The following SPTAN1 variants were observed in gnomAD, a reference collection of about 807,000 sequenced individuals.
The protein encoded by SPTAN1 is spectrin alpha, non-erythrocytic 1, also known as spectrin alpha chain, non-erythrocytic 1.
A neutral mutation model predicts 331.3 loss-of-function variants in SPTAN1; 61 were observed. That is an observed-to-expected ratio of 0.18 (90% CI 0.15 to 0.23). The LOEUF (loss-of-function observed/expected upper bound fraction) is 0.23. Ranked by LOEUF, SPTAN1 falls within the 10% of genes least tolerant of loss-of-function variation. The pLI is 1.00. For missense variants in SPTAN1, 2,043 were observed against 3,147.9 expected (o/e 0.65, Z 8.40); for synonymous variants, 1,153 against 1,173.9 (o/e 0.98, Z 0.36).
chr9:128,584,666 A>C (rs1743763548), intron 17 of SPTAN1, 55 bp from the exon 18 acceptor site: 1 of 1,614,226 alleles, frequency 6.2e-7, no homozygotes, highest in Non-Finnish European at 8.5e-7. Context: ...ATGACAAATC[A>C]GTGCTGACTT....
intron 10 of SPTAN1, 96 bp from the exon 11 acceptor site, chr9:128,580,826 G>A (rs1280758912): frequency 1.3e-6 from 2 of 1,566,956 alleles, no homozygotes; most frequent in African/African-American, 2.7e-5. Flanking sequence ...CTGAAGATTA[G>A]CACTAGGATT....
chr9:128,576,452 C>T (rs1851314324), intron 5 of SPTAN1, among the ~76,000 whole-genome samples: 1 of 152,148 alleles, frequency 6.6e-6, no homozygotes, highest in South Asian at 2.1e-4. Context: ...TGCAAGAATG[C>T]TTAACAGCCT....
At chr9:128,580,694 C>A (rs1041755450) in intron 10 of SPTAN1, among the ~76,000 whole-genome samples, 9 of 152,122 alleles carry the variant, frequency 5.9e-5, no homozygotes, top group Non-Finnish European at 4.4e-5. Context: ...TACCTAAAGT[C>A]ATTTGTGATC....
intron 52 of SPTAN1, chr9:128,631,617 G>C (rs72758828): frequency 5.4e-4 from 90 of 167,912 alleles, no homozygotes; most frequent in Non-Finnish European, 8.7e-4. Context: ...CTTGAGCCTA[G>C]GAATTCAAGA....
At chr9:128,587,164 C>T (rs900946859) in intron 19 of SPTAN1, among the ~76,000 whole-genome samples, 16 of 152,100 alleles carry the variant, frequency 1.1e-4, no homozygotes, top group African/African-American at 3.9e-4. Context: ...CGACTCCCTA[C>T]AGCTTTGACC....
At chr9:128,628,456 G>T (rs1859135403) in intron 51 of SPTAN1, 11 of 341,990 alleles carry the variant, frequency 3.2e-5, no homozygotes, top group South Asian at 2.3e-4. Context: ...TGGGGTCAGG[G>T]AGGGTAACAA....
intron 5 of SPTAN1, 146 bp from the exon 6 acceptor site, chr9:128,576,677 C>T (rs545640892): frequency 4.6e-6 from 5 of 1,085,938 alleles, no homozygotes; most frequent in South Asian, 4.1e-5. Flanking sequence ...AGTTGTAGTT[C>T]ACTTTGTATC....
intron 23 of SPTAN1, 25 bp downstream of exon 23, chr9:128,593,067 A>G (rs1209553901): frequency 1.9e-6 from 3 of 1,601,208 alleles, no homozygotes; most frequent in Non-Finnish European, 2.6e-6. Flanking sequence ...AGTCTTGCAG[A>G]GCACCAATGT....
chr9:128,628,036 G>GCAGGAAGGC, intron 51 of SPTAN1, 94 bp downstream of exon 51: 1 of 1,501,482 alleles, frequency 6.7e-7, no homozygotes, highest in Non-Finnish European at 9.3e-7. Flanking sequence ...CCCGGGATGG[G>GCAGGAAGGC]CCTTCCTGCC....
intron 1 of SPTAN1, among the ~76,000 whole-genome samples, chr9:128,562,206 G>C (rs1157921488): frequency 6.6e-6 from 1 of 152,184 alleles, no homozygotes; most frequent in East Asian, 1.9e-4. Context: ...AGGTTCAAGC[G>C]ATTCTTCTGC....
chr9:128,621,077 T>G, intron 44 of SPTAN1, 81 bp from the exon 45 acceptor site: 2 of 1,202,236 alleles, frequency 1.7e-6, no homozygotes, highest in Non-Finnish European at 2.5e-6. Flanking sequence ...CCATAGCAGT[T>G]TTGTCACTCT....
chr9:128,581,813 C>G lies in SPTAN1; in HGVS notation c.1493C>G (p.Ser498Cys), dbSNP rs1851982660. The change falls in exon 12 of 57, where the codon TCC becomes TGC. Residue 498 changes from serine (S) to cysteine (C), a missense_variant. Ser to Cys is a moderately radical substitution (Grantham distance 112). Transcript: ENST00000372739. The part of the protein sequence containing the change: ...AFLLNEDLGD[S>C]LDSVEALLKK... ...CTGTTGAATGAAGACTTGGGAGATT[C>G]CTTGGATAGTGTGGAAGCGCTTCTT... 1 of 1,613,964 alleles carries G rather than the reference C, an allele frequency of 6.2e-7. No individual in the cohort carries two copies. The highest frequency in any genetic ancestry group is 1.3e-5 in the African/African-American group (1 of 74,930).
Position 128,633,323 on chromosome 9 carries a change from T to G in SPTAN1, c.7423T>G (p.Phe2475Val), listed in dbSNP as rs757000395. ...FDYVEFTRSL[F>V]VN is the part of the protein sequence containing the mutation. ...CTACGTGGAGTTCACCCGCTCGCTT[T>G]TCGTGAACTGAGCCACTCCCTGGGT... is the stretch of plus-strand genomic sequence containing the variant. The change falls in exon 57 of 57, where the codon TTC (phenylalanine) becomes GTC (valine). Residue 2475 changes from phenylalanine to valine, a missense_variant. Physicochemically the swap from Phe to Val is conservative, Grantham distance 50. Around this residue, in one of 12 missense-constraint regions of SPTAN1, gnomAD observed 88 missense variants for 96.5 expected, o/e 0.91. Transcript: ENST00000372739. 6.2e-7 allele frequency: 1 copy of G among 1,613,900 alleles called. No homozygotes were observed. The highest frequency in any genetic ancestry group is 8.5e-7 in the Non-Finnish European group (1 of 1,180,024).
Position 128,617,998 on chromosome 9 carries a change from C to A in SPTAN1, c.5490C>A (p.Asp1830Glu), listed in dbSNP as rs1409595213. Residue 1830 changes from aspartate (D) to glutamate (E), a missense_variant, in exon 43 of 57, where the codon GAC (aspartate) becomes GAA (glutamate). Coordinates refer to ENST00000372739, the MANE Select transcript of SPTAN1 (RefSeq NM_001130438.3). ...AHEPAIQGVL[D>E]TGKKLSDDNT... ...TCCTTGCCTGTCAGGGTGTCCTGGA[C>A]ACTGGCAAGAAGCTGTCCGATGACA... The A allele has an allele frequency of 3.1e-6, 5 of 1,614,178 alleles. No homozygotes were observed. Among genetic ancestry groups the A allele is most frequent in the Non-Finnish European group, 4.2e-6 (5 of 1,180,028 alleles).
chr9:128,571,291 GAAA>G (rs57643375), intron 3 of SPTAN1, among the ~76,000 whole-genome samples: 30 of 145,822 alleles, frequency 2.1e-4, no homozygotes, highest in African/African-American at 7.2e-4. Flanking sequence ...CTGGGAAAAA[GAAA>G]AAAAAAAAGG....
rs1857511665 is a variant in SPTAN1, at chr9:128,618,886, A to G, written c.5616A>G (p.Glu1872=). The G allele has an allele frequency of 1.2e-6, 2 of 1,614,194 alleles. No individual in the cohort carries two copies. Among genetic ancestry groups the G allele is most frequent in the Non-Finnish European group, 1.7e-6 (2 of 1,180,038 alleles). Residue 1872 remains glutamate, a synonymous_variant, in exon 44 of 57, where the codon GAA becomes GAG. Coordinates refer to ENST00000372739, the MANE Select transcript of SPTAN1 (RefSeq NM_001130438.3). Reference sequence around the variant, plus strand: ...CTGTAATTAGGGGTCAGCGGCTGGAAGAGTCCTTGGAATATCAGCAGTTTG... The same window carrying G: ...CTGTAATTAGGGGTCAGCGGCTGGAGGAGTCCTTGGAATATCAGCAGTTTG... ...QLAAARGQRL[E]ESLEYQQFVA...
chr9:128,565,674 T>A (rs754781456), intron 1 of SPTAN1, among the ~76,000 whole-genome samples: 2 of 152,224 alleles, frequency 1.3e-5, no homozygotes, highest in Non-Finnish European at 2.9e-5. Flanking sequence ...GTTTCATTCC[T>A]AACTCTTAGC....
At chr9:128,611,519 C>G (rs1856556773) in intron 37 of SPTAN1, 195 bp from the exon 38 acceptor site, 1 of 634,520 alleles carries the variant, frequency 1.6e-6, no homozygotes, top group Non-Finnish European at 2.8e-6. Context: ...ACATTTCCTT[C>G]CTCCTTTGCT....
At chr9:128,601,837 C>G (rs1417570962) in intron 27 of SPTAN1, among the ~76,000 whole-genome samples, 1 of 152,168 alleles carries the variant, frequency 6.6e-6, no homozygotes, top group African/African-American at 2.4e-5. Flanking sequence ...CTCCTTCCCC[C>G]ACTGGCTCTG....
Sources: gnomAD v4.1 joint callset for allele counts (sites outside exome capture counted in the v4.1 genomes callset) on GRCh38, gnomAD v4.1.1 for gene constraint, gnomAD v4.1.1 regional missense constraint, MANE v1.5 for transcripts, NCBI Gene and HGNC (gene_info 2026-07-23, HGNC 2026-07-21) for gene names.